The following GRIK1 variants were observed in gnomAD, a reference collection of about 807,000 sequenced individuals.
GRIK1 encodes glutamate receptor ionotropic, kainate 1.
A neutral mutation model predicts 105.7 loss-of-function variants in GRIK1; 69 were observed. The ratio of observed to expected loss-of-function variants is 0.65; its 90% CI spans 0.54 to 0.80. The LOEUF (loss-of-function observed/expected upper bound fraction) is 0.80. Among genes scored for constraint, GRIK1 ranks in the 30% least tolerant of loss-of-function variants. The probability of loss-of-function intolerance (pLI) is 0.00; values close to 1 mark genes in which losing one functional copy is unlikely to be tolerated. For missense variants in GRIK1, 1,109 were observed against 1,167.3 expected (o/e 0.95, Z 0.73); for synonymous variants, 438 against 431.3 (o/e 1.02, Z -0.19).
intron 1 of GRIK1, among the ~76,000 whole-genome samples, chr21:29,860,771 A>G (rs1201752351): frequency 1.3e-5 from 2 of 152,182 alleles, no homozygotes; most frequent in African/African-American, 2.4e-5. Context: ...GCAAAAGAAC[A>G]TCTAGATCCA....
intron 1 of GRIK1, chr21:29,764,113 C>A (rs2145706106): frequency 6.6e-6 from 1 of 152,298 alleles, no homozygotes; most frequent in East Asian, 1.9e-4. Flanking sequence ...GGAGCTCAGT[C>A]AGAGACTGAA....
At chr21:29,709,853 T>C (rs2064003340) in intron 1 of GRIK1, among the ~76,000 whole-genome samples, 1 of 151,964 alleles carries the variant, frequency 6.6e-6, no homozygotes, top group South Asian at 2.1e-4. Context: ...CTCTTTATTA[T>C]TTTGAGTTTT....
chr21:29,657,137 T>C (rs1337279050), intron 4 of GRIK1, among the ~76,000 whole-genome samples: 1 of 152,190 alleles, frequency 6.6e-6, no homozygotes, highest in Non-Finnish European at 1.5e-5. Flanking sequence ...GATAGTGTAA[T>C]TGCAGCCAAG....
At chr21:29,625,497 C>T (rs948298493) in intron 7 of GRIK1, among the ~76,000 whole-genome samples, 1 of 152,108 alleles carries the variant, frequency 6.6e-6, no homozygotes, top group African/African-American at 2.4e-5. Flanking sequence ...GAGTGTTCTT[C>T]CCCACCATGC....
At chr21:29,674,774 C>A (rs756956577) in intron 3 of GRIK1, among the ~76,000 whole-genome samples, 4 of 152,180 alleles carry the variant, frequency 2.6e-5, no homozygotes, top group African/African-American at 9.7e-5. Context: ...GTCAATTAAA[C>A]CTCTTTTCGT....
At chr21:29,890,817 G>T (rs181643003) in intron 1 of GRIK1, among the ~76,000 whole-genome samples, 4 of 152,154 alleles carry the variant, frequency 2.6e-5, no homozygotes, top group Middle Eastern at 3.4e-3. Flanking sequence ...GTAAAAAGAT[G>T]CCCTTGTTAC....
intron 1 of GRIK1, among the ~76,000 whole-genome samples, chr21:29,724,248 A>C (rs553962941): frequency 6.6e-6 from 1 of 152,320 alleles, no homozygotes; most frequent in African/African-American, 2.4e-5. Flanking sequence ...ATTCATTTTT[A>C]TGATGTGGAA....
intron 1 of GRIK1, among the ~76,000 whole-genome samples, chr21:29,928,887 A>G (rs2071473490): frequency 6.6e-6 from 1 of 152,198 alleles, no homozygotes; most frequent in African/African-American, 2.4e-5. Flanking sequence ...GAGAGAAAAT[A>G]GATTCAAAAT....
chr21:29,745,524 T>TA (rs1241047393), intron 1 of GRIK1, among the ~76,000 whole-genome samples: 1 of 152,250 alleles, frequency 6.6e-6, no homozygotes, highest in Admixed American at 6.5e-5. Context: ...AGACAACTAA[T>TA]ACACTTGACT....
At chr21:29,818,157 T>A (rs1376389110) in intron 1 of GRIK1, among the ~76,000 whole-genome samples, 1 of 152,058 alleles carries the variant, frequency 6.6e-6, no homozygotes, top group Non-Finnish European at 1.5e-5. Context: ...TATGGGTGAA[T>A]CCCAGCCATT....
At chr21:29,932,251 A>G (rs2071591591) in intron 1 of GRIK1, among the ~76,000 whole-genome samples, 1 of 152,162 alleles carries the variant, frequency 6.6e-6, no homozygotes, top group Admixed American at 6.5e-5. Context: ...AGCTAAAAGA[A>G]AATCTTTTCA....
intron 6 of GRIK1, among the ~76,000 whole-genome samples, chr21:29,645,992 A>G (rs1403314416): frequency 3.3e-5 from 5 of 152,200 alleles, no homozygotes; most frequent in Non-Finnish European, 7.3e-5. Context: ...GACCTTGCAC[A>G]TTCCAAAGAG....
intron 16 of GRIK1, among the ~76,000 whole-genome samples, chr21:29,547,957 G>T (rs986452431): frequency 2.6e-5 from 4 of 152,182 alleles, no homozygotes; most frequent in African/African-American, 9.6e-5. Context: ...GGTTTTTGTG[G>T]CTGGTAAACT....
intron 1 of GRIK1, among the ~76,000 whole-genome samples, chr21:29,694,768 C>G (rs1316696884): frequency 6.6e-6 from 1 of 152,156 alleles, no homozygotes; most frequent in East Asian, 1.9e-4. Flanking sequence ...GAATGAAGAT[C>G]TTTCTATTCA....
At chr21:29,610,961 C>A (rs940710379) in intron 7 of GRIK1, among the ~76,000 whole-genome samples, 2 of 152,242 alleles carry the variant, frequency 1.3e-5, no homozygotes, top group Middle Eastern at 3.4e-3. Context: ...TCTTGCACTG[C>A]CCCCATGTAA....
At chr21:29,722,044 G>C (rs1455182354) in intron 1 of GRIK1, among the ~76,000 whole-genome samples, 1 of 152,082 alleles carries the variant, frequency 6.6e-6, no homozygotes, top group Non-Finnish European at 1.5e-5. Flanking sequence ...AAGCAATTTG[G>C]GTTTCTCATA....
rs185435719 is a variant in GRIK1, at chr21:29,672,843, G to C, written c.726+140C>G. ...CTGAGCCCCTTGCCTGTTTAAAAGG[G>C]CTCTGAAAATTATAATCTTTAGCAT... On this transcript the variant is annotated intron_variant, in intron 4 of 17. Transcript: ENST00000327783. 4.5e-6 allele frequency: 3 copies of C among 660,872 alleles called. No individual in the cohort carries two copies. In the African/African-American group the frequency reaches 5.4e-5, roughly 12 times the overall value. 40.9% of individuals were successfully genotyped at this position (660,872 alleles called of 1,614,324 possible).
intron 1 of GRIK1, among the ~76,000 whole-genome samples, chr21:29,923,889 T>C (rs1382891220): frequency 2.0e-5 from 3 of 152,178 alleles, no homozygotes; most frequent in Non-Finnish European, 4.4e-5. Context: ...TAAGCTTTAT[T>C]ACTGACCAGA....
chr21:29,828,087 T>G (rs939466532), intron 1 of GRIK1, among the ~76,000 whole-genome samples: 1 of 151,788 alleles, frequency 6.6e-6, no homozygotes, highest in African/African-American at 2.4e-5. Flanking sequence ...ATAGACTTTC[T>G]CACATGGTGG....
Sources: allele counts gnomAD v4.1 joint callset (sites outside exome capture counted in the v4.1 genomes callset), GRCh38; gene constraint gnomAD v4.1.1; transcripts MANE v1.5; gene names NCBI Gene and HGNC (gene_info 2026-07-23, HGNC 2026-07-21).